TACC2: variants seen among roughly 807,000 people sequenced by gnomAD.
The protein encoded by TACC2 is transforming acidic coiled-coil containing protein 2.
In TACC2, 137 loss-of-function variants were observed where a neutral mutation model predicts 227.3. That is an observed-to-expected ratio of 0.60 (90% CI 0.52 to 0.69). The LOEUF is 0.69. TACC2 is among the 30% of genes least tolerant of loss of function. The pLI, the probability that TACC2 is intolerant of heterozygous loss-of-function variation, is 0.00. For missense variants in TACC2, 3,470 were observed against 3,694.4 expected (o/e 0.94, Z 1.57); for synonymous variants, 1,523 against 1,487.5 (o/e 1.02, Z -0.55).
chr10:122,058,893 TG>T (rs2076479673), intron 3 of TACC2, among the ~76,000 whole-genome samples: 1 of 67,802 alleles, frequency 1.5e-5, no homozygotes, highest in East Asian at 1.1e-3. Context: ...CCCCTCTGTG[TG>T]TTTTTTTTTT....
At chr10:122,005,759 C>A (rs970082648) in intron 1 of TACC2, among the ~76,000 whole-genome samples, 1 of 148,298 alleles carries the variant, frequency 6.7e-6, no homozygotes, top group Non-Finnish European at 1.5e-5. Flanking sequence ...AATAGCACGA[C>A]CTTGGCTTAC....
At chr10:122,077,895 G>A (rs113392812) in intron 3 of TACC2, among the ~76,000 whole-genome samples, 6,797 of 152,004 alleles carry the variant, frequency 0.045, 191 homozygotes, top group South Asian at 0.12. Flanking sequence ...AAGCGCAATC[G>A]TAACTGAAAA....
At chr10:122,073,756 C>T (rs1020588199) in intron 3 of TACC2, among the ~76,000 whole-genome samples, 1 of 152,088 alleles carries the variant, frequency 6.6e-6, no homozygotes, top group Non-Finnish European at 1.5e-5. Flanking sequence ...TCCCACATTC[C>T]TTGGACAGAG....
At chr10:122,248,304 G>A in intron 19 of TACC2, 1 of 231,732 alleles carries the variant, frequency 4.3e-6, no homozygotes, top group Non-Finnish European at 8.6e-6. Flanking sequence ...TTTACTTTAC[G>A]GATCTGTCTG....
At chr10:122,033,695 C>T (rs1047336757) in intron 2 of TACC2, among the ~76,000 whole-genome samples, 8 of 152,146 alleles carry the variant, frequency 5.3e-5, no homozygotes, top group African/African-American at 1.4e-4. Context: ...AGGAACTTTG[C>T]GTCACCTCAC....
At chr10:122,055,055 A>G (rs937118590) in intron 3 of TACC2, among the ~76,000 whole-genome samples, 18 of 152,042 alleles carry the variant, frequency 1.2e-4, no homozygotes, top group African/African-American at 4.4e-4. Context: ...CCTCATCTCT[A>G]CTAAAATGCA....
At position 122,141,584 on chromosome 10, in the gene TACC2, G is replaced by A. The variant is rs1270078172; in HGVS notation, c.5700-1988G>A. Among the ~76,000 whole-genome samples the A allele has an allele frequency of 6.6e-6, 1 of 152,104 alleles. No homozygotes were observed. Among genetic ancestry groups the A allele is most frequent in the Non-Finnish European group, 1.5e-5 (1 of 68,026 alleles). ...GGGTGTTCTCAGAGATGGGGCAGGT[G>A]TAGCCTTGGGCATCTGCATCAGATC... On this transcript the variant is annotated intron_variant, in intron 6 of 22. Transcript: ENST00000369005. The surrounding 1 kb of genome is among the most constrained non-coding windows in gnomAD (Gnocchi z 4.3).
chr10:122,047,012 T>C (rs1455780505), intron 2 of TACC2, among the ~76,000 whole-genome samples: 1 of 152,092 alleles, frequency 6.6e-6, no homozygotes, highest in Admixed American at 6.6e-5. Flanking sequence ...TAAAGAATCT[T>C]GGCCGGGTGT....
At position 122,033,002 on chromosome 10, in the gene TACC2, A is replaced by C. The variant is rs59434280; in HGVS notation, c.33+10988A>C. ...ACAACAACAACAACAACAACAACAA[A>C]AACAAAAAAACCCCACAAAAACACC... On this transcript the variant is annotated intron_variant, in intron 2 of 22. Transcript: ENST00000369005. The C allele has an allele frequency of 1.2e-4, 88 of 749,478 alleles. 1 individual carries two copies. Among genetic ancestry groups the C allele is most frequent in the African/African-American group, 6.0e-4 (18 of 30,192 alleles). The allele number at this position is 749,478 out of a possible 1,614,324, so 46.4% of individuals were successfully genotyped here. A position where few individuals can be genotyped will look rare whatever the true frequency, so the allele number is the denominator to read the frequency against.
chr10:122,064,176 AGT>A (rs956838532), intron 3 of TACC2, among the ~76,000 whole-genome samples: 17 of 151,868 alleles, frequency 1.1e-4, no homozygotes, highest in African/African-American at 4.1e-4. Context: ...AACAACAAAA[AGT>A]GTGTGTGTGT....
At chr10:122,230,630 C>T (rs1010082897) in intron 16 of TACC2, among the ~76,000 whole-genome samples, 190 bp downstream of exon 16, 7 of 152,126 alleles carry the variant, frequency 4.6e-5, no homozygotes, top group East Asian at 1.9e-4. Flanking sequence ...CCATTTAAGT[C>T]GATAATGCTA....
intron 6 of TACC2, among the ~76,000 whole-genome samples, chr10:122,138,539 A>T (rs2139074373): frequency 6.6e-6 from 1 of 152,348 alleles, no homozygotes; most frequent in African/African-American, 2.4e-5. Context: ...CAAAGACTGA[A>T]TGATAAAGTG....
rs186639997 is a variant in TACC2 at position 122,092,932 on chromosome 10, G to A, written c.5573+4341G>A. 3.9e-3 allele frequency among the ~76,000 whole-genome samples: 592 copies of A among 152,302 alleles called. 5 individuals are homozygous for A. Among genetic ancestry groups the A allele is most frequent in the Non-Finnish European group, 6.9e-3 (466 of 68,022 alleles). On this transcript the variant is annotated intron_variant, in intron 5 of 22. Transcript: ENST00000369005. ...AGGTGCTTGAATCAATTTCACCTAC[G>A]TACATATACAACTATCTTCCCTGTT...
At chr10:122,052,275 G>A (rs977427308) in intron 3 of TACC2, 8 of 152,124 alleles carry the variant, frequency 5.3e-5, no homozygotes, top group Admixed American at 4.6e-4. Flanking sequence ...TGAGGCCTGG[G>A]AATTGCTCGA....
chr10:122,046,301 C>T (rs1408563200), intron 2 of TACC2, among the ~76,000 whole-genome samples: 4 of 150,738 alleles, frequency 2.7e-5, no homozygotes, highest in East Asian at 2.0e-4. Flanking sequence ...GGTGAAACCC[C>T]GTCTCTACTA....
At chr10:122,169,172 A>G (rs2093346108) in intron 7 of TACC2, among the ~76,000 whole-genome samples, 1 of 152,202 alleles carries the variant, frequency 6.6e-6, no homozygotes, top group Admixed American at 6.5e-5. Flanking sequence ...TCTGGAGTGC[A>G]GGTGTGTGCT....
At chr10:122,009,503 C>T (rs1955661347) in intron 1 of TACC2, among the ~76,000 whole-genome samples, 2 of 150,526 alleles carry the variant, frequency 1.3e-5, no homozygotes, top group African/African-American at 5.0e-5. Context: ...GACTCCCTCT[C>T]AACAAAAGCC....
intron 7 of TACC2, among the ~76,000 whole-genome samples, chr10:122,145,978 A>G (rs1276263942): frequency 2.0e-5 from 3 of 152,242 alleles, no homozygotes; most frequent in African/African-American, 4.8e-5. Context: ...CTCTGGGCCA[A>G]TCACTGTGCT....
chr10:122,016,918 C>CCAA, intron 1 of TACC2, among the ~76,000 whole-genome samples: 1 of 152,226 alleles, frequency 6.6e-6, no homozygotes, highest in East Asian at 1.9e-4. Context: ...TGACTGTTGT[C>CCAA]CTTAGAAGAA....
Sources: allele counts gnomAD v4.1 joint callset (sites outside exome capture counted in the v4.1 genomes callset), GRCh38; gene constraint gnomAD v4.1.1; non-coding constraint Gnocchi (gnomAD v3.1); transcripts MANE v1.5; gene names NCBI Gene and HGNC (gene_info 2026-07-23, HGNC 2026-07-21).